Variants in HHAT observed in about 807,000 individuals in gnomAD.
HHAT encodes the protein hedgehog acyltransferase.
HHAT carries 47 observed loss-of-function variants against 70.8 expected under a neutral mutation model. The observed-to-expected ratio is 0.66, with a 90% CI of 0.53 to 0.85. The LOEUF is 0.85. Among genes scored for constraint, HHAT ranks in the 40% least tolerant of loss-of-function variants. The pLI is 0.00. For synonymous variants in HHAT, 228 were observed against 247.6 expected (o/e 0.92, Z 0.74); for missense variants, 609 against 604.8 (o/e 1.01, Z -0.07).
At chr1:210,619,759 C>T (rs981290671) in intron 10 of HHAT, among the ~76,000 whole-genome samples, 2 of 28,044 alleles carry the variant, frequency 7.1e-5, no homozygotes, top group Admixed American at 1.2e-3. Context: ...GTGCCACTCT[C>T]ATTTTTTGCT....
intron 9 of HHAT, among the ~76,000 whole-genome samples, chr1:210,542,433 A>G (rs1017028788): frequency 6.6e-6 from 1 of 152,038 alleles, no homozygotes; most frequent in African/African-American, 2.4e-5. Context: ...TAGCAGTGTT[A>G]GGTTTAGGAA....
intron 7 of HHAT, among the ~76,000 whole-genome samples, chr1:210,419,026 CTG>C (rs1258241990): frequency 8.3e-6 from 1 of 120,718 alleles, no homozygotes. Flanking sequence ...AAGCATGACT[CTG>C]TCTCAAAAAA....
chr1:210,672,737 G>T (rs1680341441), intron 11 of HHAT, among the ~76,000 whole-genome samples: 1 of 152,082 alleles, frequency 6.6e-6, no homozygotes, highest in Admixed American at 6.5e-5. Context: ...CAGCAGAAAG[G>T]GCTGTTAATT....
chr1:210,570,486 G>T (rs1655994692), intron 9 of HHAT, among the ~76,000 whole-genome samples: 1 of 152,302 alleles, frequency 6.6e-6, no homozygotes, highest in Middle Eastern at 3.4e-3. Flanking sequence ...GAGAGATGCT[G>T]GAAAGAACAC....
Position 210,575,743 on chromosome 1 carries a change from CAT to C in HHAT, c.1044-12154_1044-12153del, listed in dbSNP as rs529643198. On this transcript the variant is annotated intron_variant, in intron 9 of 11. Transcript: ENST00000261458. ...TGAAGATTGTAATACCACAAAGACA[CAT>C]GTGTCATCAGAACTTTGATCTTCCA... Among the ~76,000 whole-genome samples the C allele has an allele frequency of 2.4e-3, 371 of 152,324 alleles. 1 individual carries two copies. Among genetic ancestry groups the C allele is most frequent in the Non-Finnish European group, 4.0e-3 (274 of 68,030 alleles).
intron 8 of HHAT, among the ~76,000 whole-genome samples, chr1:210,507,359 CTTTTTTTTTTTTTT>C (rs927392992): frequency 8.2e-6 from 1 of 122,528 alleles, no homozygotes; most frequent in Admixed American, 8.9e-5. Flanking sequence ...TTTCTTTTTT[CTTTTTTTTTTTTTT>C]TTTTTGAGAC....
chr1:210,451,507 T>A (rs989007295), intron 7 of HHAT, among the ~76,000 whole-genome samples: 1 of 152,178 alleles, frequency 6.6e-6, no homozygotes, highest in Non-Finnish European at 1.5e-5. Flanking sequence ...ATTTGGAAAA[T>A]TAAAACAACA....
chr1:210,663,269 C>T (rs1437940645), intron 11 of HHAT, among the ~76,000 whole-genome samples: 1 of 152,142 alleles, frequency 6.6e-6, no homozygotes, highest in Non-Finnish European at 1.5e-5. Flanking sequence ...TCTGAAAACA[C>T]CATCCTGAAG....
intron 3 of HHAT, among the ~76,000 whole-genome samples, chr1:210,385,209 TA>T (rs2090948204): frequency 6.8e-6 from 1 of 148,098 alleles, no homozygotes; most frequent in Non-Finnish European, 1.5e-5. Context: ...AATGTAATTC[TA>T]AGTGTTCAAA....
chr1:210,387,573 G>A lies in HHAT; in HGVS notation c.265G>A (p.Ala89Thr). 3 of 1,612,152 alleles carry A rather than the reference G, an allele frequency of 1.9e-6. No individual in the cohort carries two copies. The highest frequency in any genetic ancestry group is 2.5e-6 in the Non-Finnish European group (3 of 1,178,232). The change falls in exon 4 of 12, where the codon GCA becomes ACA. Residue 89 changes from alanine (A) to threonine (T), a missense_variant. Coordinates refer to ENST00000261458, the MANE Select transcript of HHAT (RefSeq NM_018194.6). ...MVVSQMATLL[A>T]RKHRPWILML... ...AGTGTCTCAAATGGCCACACTGCTG[G>A]CAAGAAAGGTATGATTATATGTGTT... is the stretch of plus-strand genomic sequence containing the variant.
At chr1:210,538,768 A>G (rs777188613) in intron 9 of HHAT, among the ~76,000 whole-genome samples, 10 of 152,196 alleles carry the variant, frequency 6.6e-5, no homozygotes, top group Non-Finnish European at 7.3e-5. Flanking sequence ...GACTAACCAT[A>G]TTACAAGCAA....
intron 1 of HHAT, among the ~76,000 whole-genome samples, chr1:210,334,695 A>T (rs1449228162): frequency 6.9e-6 from 1 of 144,044 alleles, no homozygotes; most frequent in South Asian, 2.2e-4. Flanking sequence ...TTTTATTTTT[A>T]TTTTTTTTTT....
chr1:210,642,515 T>C (rs1673175623), intron 11 of HHAT, among the ~76,000 whole-genome samples: 1 of 152,196 alleles, frequency 6.6e-6, no homozygotes, highest in Non-Finnish European at 1.5e-5. Context: ...TTTCCAAAAC[T>C]TGTAACTGTC....
chr1:210,672,762 A>G (rs1680345964), intron 11 of HHAT, among the ~76,000 whole-genome samples: 1 of 152,226 alleles, frequency 6.6e-6, no homozygotes, highest in Non-Finnish European at 1.5e-5. Context: ...AAAAAGAAGA[A>G]AAAGAAAAGA....
intron 1 of HHAT, among the ~76,000 whole-genome samples, chr1:210,340,054 T>G (rs1349492745): frequency 6.6e-6 from 1 of 151,826 alleles, no homozygotes; most frequent in Non-Finnish European, 1.5e-5. Flanking sequence ...GACTCTTAAA[T>G]GGGGACTGGG....
chr1:210,386,329 C>T (rs2091068904), intron 3 of HHAT, among the ~76,000 whole-genome samples: 1 of 144,756 alleles, frequency 6.9e-6, no homozygotes, highest in African/African-American at 2.6e-5. Context: ...AGCTCCGCCT[C>T]CCGGGTTCAC....
At chr1:210,349,151 T>C in intron 2 of HHAT, 85 bp downstream of exon 2, 1 of 1,399,220 alleles carries the variant, frequency 7.1e-7, no homozygotes, top group Non-Finnish European at 9.9e-7. Flanking sequence ...TTCAAGAAGA[T>C]GATCCAATAG....
chr1:210,422,437 T>C (rs1404854502), intron 7 of HHAT, among the ~76,000 whole-genome samples: 1 of 152,182 alleles, frequency 6.6e-6, no homozygotes, highest in Non-Finnish European at 1.5e-5. Context: ...TTCTAGTATT[T>C]TATCTTCTGT....
intron 2 of HHAT, among the ~76,000 whole-genome samples, chr1:210,362,278 TCTTGTTGCC>T (rs2088427766): frequency 6.6e-6 from 1 of 151,776 alleles, no homozygotes; most frequent in Non-Finnish European, 1.5e-5. Context: ...GGAGTCTTGC[TCTTGTTGCC>T]CAAGCTGGAG....
Sources: allele counts gnomAD v4.1 joint callset (sites outside exome capture counted in the v4.1 genomes callset), GRCh38; gene constraint gnomAD v4.1.1; transcripts MANE v1.5; gene names NCBI Gene and HGNC (gene_info 2026-07-23, HGNC 2026-07-21).